Variants in SYT17 observed in about 807,000 individuals in gnomAD.
SYT17 encodes synaptotagmin 17.
SYT17 carries 22 observed loss-of-function variants against 46.7 expected under a neutral mutation model. The observed-to-expected ratio is 0.47, with a 90% CI of 0.34 to 0.67. The LOEUF (loss-of-function observed/expected upper bound fraction) is 0.67, where lower values mean the gene tolerates loss of function less well. SYT17 is among the 30% of genes least tolerant of loss of function. The pLI is 0.01. For synonymous variants in SYT17, 251 were observed against 248.4 expected (o/e 1.01, Z -0.10); for missense variants, 519 against 612.8 (o/e 0.85, Z 1.62).
chr16:19,188,365 A>C (rs1964865308), intron 5 of SYT17, among the ~76,000 whole-genome samples: 1 of 152,090 alleles, frequency 6.6e-6, no homozygotes, highest in African/African-American at 2.4e-5. Flanking sequence ...GGAGAGGATC[A>C]GGAAAAACAA....
At chr16:19,238,456 C>T (rs1168023068) in intron 7 of SYT17, among the ~76,000 whole-genome samples, 1 of 152,170 alleles carries the variant, frequency 6.6e-6, no homozygotes, top group African/African-American at 2.4e-5. Flanking sequence ...TGGCAGAGCC[C>T]CCAGTAGCAC....
At chr16:19,261,186 G>A (rs1968951839) in intron 7 of SYT17, among the ~76,000 whole-genome samples, 1 of 152,122 alleles carries the variant, frequency 6.6e-6, no homozygotes, top group Admixed American at 6.5e-5. Flanking sequence ...AACACACTTA[G>A]AATTTACAGT....
At chr16:19,172,690 CTT>C in intron 1 of SYT17, 68 bp from the exon 2 acceptor site, 1 of 1,582,226 alleles carries the variant, frequency 6.3e-7, no homozygotes, top group Non-Finnish European at 8.6e-7. Flanking sequence ...CTAAACTGGT[CTT>C]GTCTCTCTTT....
At chr16:19,244,342 A>AT (rs56187042) in intron 7 of SYT17, among the ~76,000 whole-genome samples, 67,182 of 150,784 alleles carry the variant, frequency 0.45, 16,342 homozygotes, top group East Asian at 0.77. Context: ...CTTTATTATT[A>AT]TTTTTTTTTG....
chr16:19,178,070 A>G (rs868795934), intron 3 of SYT17, among the ~76,000 whole-genome samples: 6 of 151,734 alleles, frequency 4.0e-5, no homozygotes, highest in Middle Eastern at 3.2e-3. Context: ...AAGACTGGGT[A>G]AGGTTCAAGT....
chr16:19,199,229 T>C (rs1965370187), intron 5 of SYT17, among the ~76,000 whole-genome samples: 1 of 152,182 alleles, frequency 6.6e-6, no homozygotes, highest in Non-Finnish European at 1.5e-5. Context: ...AAGTGTTTTC[T>C]ATATGTGGTC....
chr16:19,207,555 T>C (rs1028115795), intron 5 of SYT17, among the ~76,000 whole-genome samples: 4 of 151,994 alleles, frequency 2.6e-5, no homozygotes, highest in Non-Finnish European at 5.9e-5. Context: ...CCACACACTT[T>C]TAAACAACCA....
rs35835688 is a variant in SYT17, at chr16:19,267,937, A to AGTGTGTGTGTGTGT, written c.*884_*897dup. 11 of 148,850 alleles carry AGTGTGTGTGTGTGT rather than the reference A, an allele frequency of 7.4e-5. No individual in the cohort carries two copies. The highest frequency in any genetic ancestry group is 2.7e-4 in the African/African-American group (11 of 40,452). 9.2% of individuals were successfully genotyped at this position (148,850 alleles called of 1,614,324 possible). On this transcript the variant is annotated 3_prime_UTR_variant, in exon 8 of 8. Coordinates refer to ENST00000355377, the MANE Select transcript of SYT17 (RefSeq NM_016524.4). ...CAGAGATCCCACTTTGGATAAAAGT[A>AGTGTGTGTGTGTGT]GTGTGTGTGTGTGTGTGTGTGTGTG...
At position 19,177,152 on chromosome 16, in the gene SYT17, A is replaced by AG. The variant is rs1964346876; in HGVS notation, c.183-3234dup. On this transcript the variant is annotated intron_variant, in intron 3 of 7. Transcript: ENST00000355377. Reference sequence around the variant, plus strand: ...CTAACCCTTTGTGTAAGCAGGGGCAAGGGGGCTGGGACCCTCTGGGAAGAT... The same window carrying AG: ...CTAACCCTTTGTGTAAGCAGGGGCAAGGGGGGCTGGGACCCTCTGGGAAGAT... 4.6e-5 allele frequency among the ~76,000 whole-genome samples: 7 copies of AG among 152,248 alleles called. No homozygotes were observed. The South Asian group carries it at 1.5e-3, about 32-fold the overall frequency.
chr16:19,237,783 T>G (rs760946307), intron 7 of SYT17, among the ~76,000 whole-genome samples: 2 of 152,202 alleles, frequency 1.3e-5, no homozygotes, highest in Non-Finnish European at 1.5e-5. Context: ...GGAACCCTCA[T>G]GGACTAAGCC....
At chr16:19,215,884 G>A (rs911238677) in intron 5 of SYT17, among the ~76,000 whole-genome samples, 2 of 152,202 alleles carry the variant, frequency 1.3e-5, no homozygotes, top group African/African-American at 4.8e-5. Flanking sequence ...GGCAAGGAGA[G>A]CAAGTCACGT....
chr16:19,229,373 A>C (rs1966602433), intron 7 of SYT17, among the ~76,000 whole-genome samples: 1 of 152,092 alleles, frequency 6.6e-6, no homozygotes, highest in Admixed American at 6.6e-5. Context: ...GAAGGGAAAG[A>C]GGGATCGTGC....
intron 7 of SYT17, among the ~76,000 whole-genome samples, chr16:19,226,678 C>T (rs971924080): frequency 2.6e-5 from 4 of 152,256 alleles, no homozygotes; most frequent in East Asian, 1.9e-4. Context: ...GACAGAAGAC[C>T]GTCACCCCTG....
intron 5 of SYT17, among the ~76,000 whole-genome samples, chr16:19,192,199 C>G (rs1213740118): frequency 6.6e-6 from 1 of 152,224 alleles, no homozygotes; most frequent in Non-Finnish European, 1.5e-5. Context: ...GAGGGAGGAT[C>G]ACTTGAGGCC....
intron 7 of SYT17, among the ~76,000 whole-genome samples, chr16:19,252,394 CAT>C (rs1168897557): frequency 4.0e-5 from 2 of 50,438 alleles, no homozygotes; most frequent in Non-Finnish European, 6.0e-5. Context: ...TATATATATA[CAT>C]ATATATACAT....
At position 19,183,471 on chromosome 16, in the gene SYT17, T is replaced by TG; in HGVS notation, c.332-55dup. On this transcript the variant is annotated intron_variant, in intron 4 of 7. Transcript: ENST00000355377. This position sits in a 1 kb window ranked among gnomAD's most constrained non-coding sequence, Gnocchi z 5.6. ...TGCAAGAATCTGCTTACCTGCAAAGTGGCCCAGGTCTGCCCCGTATGTGGC... is the reference window on the plus strand; with the variant it reads ...TGCAAGAATCTGCTTACCTGCAAAGTGGGCCCAGGTCTGCCCCGTATGTGGC... 2.5e-6 allele frequency: 4 copies of TG among 1,592,476 alleles called. No homozygotes were observed. Among genetic ancestry groups the TG allele is most frequent in the Middle Eastern group, 1.7e-4 (1 of 5,906 alleles).
chr16:19,211,377 A>G, intron 5 of SYT17: 1 of 703,388 alleles, frequency 1.4e-6, no homozygotes, highest in Non-Finnish European at 2.6e-6. Context: ...GCACTGCTTG[A>G]TCTTGGATTT....
At chr16:19,258,063 A>G (rs888558157) in intron 7 of SYT17, among the ~76,000 whole-genome samples, 5 of 152,132 alleles carry the variant, frequency 3.3e-5, no homozygotes, top group African/African-American at 1.2e-4. Context: ...CGACCAAATA[A>G]TTTAGCTCCT....
chr16:19,239,590 G>A (rs186666216), intron 7 of SYT17, among the ~76,000 whole-genome samples: 108 of 152,310 alleles, frequency 7.1e-4, no homozygotes, highest in Admixed American at 9.8e-4. Context: ...CTTAAATCGT[G>A]CTTCCTGTGT....
Sources: allele counts gnomAD v4.1 joint callset (sites outside exome capture counted in the v4.1 genomes callset), GRCh38; gene constraint gnomAD v4.1.1; non-coding constraint Gnocchi (gnomAD v3.1); transcripts MANE v1.5; gene names NCBI Gene and HGNC (gene_info 2026-07-23, HGNC 2026-07-21).